Variants in HECTD4 observed in about 807,000 individuals in gnomAD.
The protein encoded by HECTD4 is HECT domain E3 ubiquitin protein ligase 4.
A neutral mutation model predicts 471.5 loss-of-function variants in HECTD4; 114 were observed. The ratio of observed to expected loss-of-function variants is 0.24; its 90% CI spans 0.21 to 0.28. The LOEUF is 0.28. HECTD4 is among the 10% of genes least tolerant of loss of function. The pLI is 1.00. For synonymous variants in HECTD4, 2,012 were observed against 2,256.0 expected (o/e 0.89, Z 3.07); for missense variants, 3,866 against 5,651.5 (o/e 0.68, Z 10.13).
intron 7 of HECTD4, among the ~76,000 whole-genome samples, chr12:112,293,077 G>A (rs982673747): frequency 6.6e-5 from 10 of 151,304 alleles, no homozygotes; most frequent in African/African-American, 2.2e-4. Flanking sequence ...TTCAAATATC[G>A]AATGAGGGCC....
Position 112,185,094 on chromosome 12 carries a change from G to A in HECTD4, c.9872C>T (p.Ser3291Leu), listed in dbSNP as rs61732694. 6.4e-7 allele frequency: 1 copy of A among 1,572,000 alleles called. No individual in the cohort carries two copies. The highest frequency in any genetic ancestry group is 8.6e-7 in the Non-Finnish European group (1 of 1,158,104). Residue 3291 changes from serine (S) to leucine (L), a missense_variant, in exon 61 of 76, where the codon TCG becomes TTG. Physicochemically the swap from Ser to Leu is moderately radical, Grantham distance 145. Transcript: ENST00000682272. ...TSATAPNLSD[S>L]SSSSSSSPGQ... Reference sequence around the variant, plus strand: ...TGGGGAGGACGAGGAGGAGGAGGACGAGTCACTGAGATTTGGGGCGGTCGC... The same window carrying A: ...TGGGGAGGACGAGGAGGAGGAGGACAAGTCACTGAGATTTGGGGCGGTCGC...
At position 112,184,603 on chromosome 12, in the gene HECTD4, CT is replaced by C. The variant is rs1566064290; in HGVS notation, c.10362del (p.Val3455LeufsTer23). 1 of 1,613,902 alleles carries C rather than the reference CT, an allele frequency of 6.2e-7. No individual in the cohort carries two copies. The highest frequency in any genetic ancestry group is 8.5e-7 in the Non-Finnish European group (1 of 1,179,888). ...AAGGCCAGTGTCTTCTCGGGCTCAA[CT>C]TTCCCGTCCCCGCCCTCGGCCTTGT... ...PKDKAEGGDG[K>X]VEPEKTLAFP... is the part of the protein sequence containing the mutation. On this transcript the variant is annotated frameshift_variant, in exon 61 of 76. Transcript: ENST00000682272. LOFTEE classifies it high-confidence loss of function. This position sits in a 1 kb window ranked among gnomAD's most constrained non-coding sequence, Gnocchi z 9.1.
At chr12:112,249,889 T>C (rs1435635912) in intron 25 of HECTD4, 1 of 492,386 alleles carries the variant, frequency 2.0e-6, no homozygotes, top group Non-Finnish European at 3.7e-6. Flanking sequence ...TCTGATTCAA[T>C]AGGTGCAAAA....
At position 112,175,999 on chromosome 12, in the gene HECTD4, T is replaced by C. The variant is rs562392219; in HGVS notation, c.11471-140A>G. 12 of 1,163,766 alleles carry C rather than the reference T, an allele frequency of 1.0e-5. 1 individual carries two copies. The South Asian group carries it at 1.2e-4, about 12-fold the overall frequency. 72.1% of individuals were successfully genotyped at this position (1,163,766 alleles called of 1,614,324 possible). A position where few individuals can be genotyped will look rare whatever the true frequency, so the allele number is the denominator to read the frequency against. On this transcript the variant is annotated intron_variant, in intron 65 of 75. Transcript: ENST00000682272. ...CCTCTCCCTCCCGTAACTCTGGGAA[T>C]TGTCATTTGCCATTGTGACCCACTG...
intron 9 of HECTD4, among the ~76,000 whole-genome samples, chr12:112,275,381 G>A (rs1328192582): frequency 6.6e-6 from 1 of 152,010 alleles, no homozygotes; most frequent in African/African-American, 2.4e-5. Context: ...TCCTAATACT[G>A]GCTCTACAAC....
In HECTD4 at chr12:112,319,565, C is replaced by T; in HGVS notation, c.355G>A (p.Gly119Ser). The T allele has an allele frequency of 7.0e-7, 1 of 1,435,244 alleles. No individual in the cohort carries two copies. Among genetic ancestry groups the T allele is most frequent in the South Asian group, 1.5e-5 (1 of 66,756 alleles). The allele number at this position is 1,435,244 out of a possible 1,614,324, so 88.9% of individuals were successfully genotyped here. The change falls in exon 2 of 76, where the codon GGT becomes AGT. Residue 119 changes from glycine to serine, a missense_variant. By Grantham distance (56) the Gly-to-Ser change is moderately conservative. Coordinates refer to ENST00000682272, the MANE Select transcript of HECTD4 (RefSeq NM_001388303.1). This position sits in a 1 kb window ranked among gnomAD's most constrained non-coding sequence, Gnocchi z 5.3. Reference protein sequence around the residue: ...LEEQHERESSGDEETLALLKR... With the variant: ...LEEQHERESSSDEETLALLKR... ...AGCAGGGCCAAAGTTTCCTCATCAC[C>T]TGAACTTTCCCTTTCATGCTGTTCT...
In HECTD4 at chr12:112,381,847, C is replaced by T. The variant is rs1470057756; in HGVS notation, c.177+105G>A. 1.1e-5 allele frequency: 9 copies of T among 834,146 alleles called. No homozygotes were observed. In the Admixed American group the frequency reaches 1.8e-4, roughly 17 times the overall value. The allele number at this position is 834,146 out of a possible 1,614,324, so 51.7% of individuals were successfully genotyped here. On this transcript the variant is annotated intron_variant, in intron 1 of 75. Coordinates refer to ENST00000682272, the MANE Select transcript of HECTD4 (RefSeq NM_001388303.1). This position sits in a 1 kb window ranked among gnomAD's most constrained non-coding sequence, Gnocchi z 4.1. ...CGCCCACACACACCTGCCCCGGCAG[C>T]CGCCGGGAGGCGAGGCCGCGGCTGA...
chr12:112,285,556 C>T (rs2034733649), intron 7 of HECTD4, among the ~76,000 whole-genome samples: 1 of 152,164 alleles, frequency 6.6e-6, no homozygotes, highest in South Asian at 2.1e-4. Context: ...CTTAACACGT[C>T]CCAATGAATG....
At chr12:112,206,586 G>C (rs1362410850) in intron 52 of HECTD4, among the ~76,000 whole-genome samples, 2 of 148,316 alleles carry the variant, frequency 1.3e-5, no homozygotes, top group Non-Finnish European at 3.0e-5. Context: ...GCCCAGGCTG[G>C]AGTGCAGTGG....
intron 50 of HECTD4, among the ~76,000 whole-genome samples, chr12:112,209,244 C>T (rs2032687127): frequency 6.6e-6 from 1 of 151,996 alleles, no homozygotes; most frequent in Admixed American, 6.6e-5. Context: ...ATCCAATGGG[C>T]CAAATATGGC....
chr12:112,210,016 T>G lies in HECTD4; in HGVS notation c.7866A>C (p.Gln2622His). ...CRIAAVATAQ[Q>H]QYDSDTSCHY... The stretch of plus-strand genomic sequence containing the variant: ...AGTAAGTTCCAGGAGGTGACTTACG[T>G]TGCTGAGCGGTGGCCACGGCAGCAA... The change falls in exon 50 of 76, where the codon CAA becomes CAC. Residue 2622 changes from glutamine (Q) to histidine (H), a missense_variant and splice_region_variant. Gln to His is a conservative substitution (Grantham distance 24). Coordinates refer to ENST00000682272, the MANE Select transcript of HECTD4 (RefSeq NM_001388303.1). 1 of 1,611,904 alleles carries G rather than the reference T, an allele frequency of 6.2e-7. No homozygotes were observed. The highest frequency in any genetic ancestry group is 8.5e-7 in the Non-Finnish European group (1 of 1,178,778).
intron 7 of HECTD4, 68 bp downstream of exon 7, chr12:112,305,996 C>T (rs1328146064): frequency 3.0e-5 from 45 of 1,481,780 alleles, no homozygotes; most frequent in East Asian, 1.2e-4. Context: ...GCCCTTTGCA[C>T]ACCAATATAA....
chr12:112,212,382 T>C, intron 49 of HECTD4, 105 bp downstream of exon 49: 1 of 874,118 alleles, frequency 1.1e-6, no homozygotes, highest in South Asian at 1.6e-5. Flanking sequence ...TGTGTACCAA[T>C]ATTATGTACA....
chr12:112,167,656 C>G, intron 71 of HECTD4, 118 bp from the exon 72 acceptor site: 7 of 1,017,612 alleles, frequency 6.9e-6, no homozygotes, highest in Non-Finnish European at 1.0e-5. Context: ...TGCAAGCTCC[C>G]AGAGCTTGCC....
At position 112,162,150 on chromosome 12, in the gene HECTD4, C is replaced by G. The variant is rs1203324130; in HGVS notation, c.*237G>C. The G allele has an allele frequency of 2.0e-6, 1 of 496,356 alleles. No homozygotes were observed. The highest frequency in any genetic ancestry group is 3.6e-6 in the Non-Finnish European group (1 of 277,694). The allele number at this position is 496,356 out of a possible 1,614,324, so 30.7% of individuals were successfully genotyped here. ...AAATTAGACACAAACTGTCTGGGAA[C>G]TAAACTATCCTACAAATAGACCACA... On this transcript the variant is annotated 3_prime_UTR_variant, in exon 76 of 76. Coordinates refer to ENST00000682272, the MANE Select transcript of HECTD4 (RefSeq NM_001388303.1). The surrounding 1 kb of genome is among the most constrained non-coding windows in gnomAD (Gnocchi z 5.2).
rs2030667592 is a variant in HECTD4 at position 112,160,990 on chromosome 12, G to A, written c.*1397C>T. The A allele has an allele frequency of 6.6e-6, 1 of 152,172 alleles. No homozygotes were observed. The highest frequency in any genetic ancestry group is 2.4e-5 in the African/African-American group (1 of 41,430). The allele number at this position is 152,172 out of a possible 1,614,324, so 9.4% of individuals were successfully genotyped here. A position where few individuals can be genotyped will look rare whatever the true frequency, so the allele number is the denominator to read the frequency against. On this transcript the variant is annotated 3_prime_UTR_variant, in exon 76 of 76. Coordinates refer to ENST00000682272, the MANE Select transcript of HECTD4 (RefSeq NM_001388303.1). ...ATGCATTTCCTAAGAGTTACAGGGA[G>A]GAGATGGATGCTAACGGCTCTATCT... is the stretch of plus-strand genomic sequence containing the variant.
Position 112,380,171 on chromosome 12 carries a change from A to C in HECTD4, c.177+1781T>G, listed in dbSNP as rs541922875. 6.6e-5 allele frequency among the ~76,000 whole-genome samples: 10 copies of C among 152,332 alleles called. No individual in the cohort carries two copies. In the South Asian group the frequency reaches 8.3e-4, roughly 13 times the overall value. ...AAGAAACAAAGAGCATAGGCACGGC[A>C]TAGTGGCTCACGCCTGTAATCTCAG... On this transcript the variant is annotated intron_variant, in intron 1 of 75. Coordinates refer to ENST00000682272, the MANE Select transcript of HECTD4 (RefSeq NM_001388303.1).
intron 1 of HECTD4, among the ~76,000 whole-genome samples, chr12:112,334,286 A>G (rs1040204051): frequency 6.6e-5 from 10 of 151,588 alleles, no homozygotes; most frequent in Non-Finnish European, 1.2e-4. Flanking sequence ...TACATCTGAC[A>G]AAGGACTAAT....
At chr12:112,331,047 G>C (rs1272262107) in intron 1 of HECTD4, among the ~76,000 whole-genome samples, 1 of 151,960 alleles carries the variant, frequency 6.6e-6, no homozygotes, top group South Asian at 2.1e-4. Context: ...CCTAGGCATC[G>C]GTTTTTTTGT....
Sources: allele counts gnomAD v4.1 joint callset (sites outside exome capture counted in the v4.1 genomes callset), GRCh38; gene constraint gnomAD v4.1.1; non-coding constraint Gnocchi (gnomAD v3.1); transcripts MANE v1.5; gene names NCBI Gene and HGNC (gene_info 2026-07-23, HGNC 2026-07-21).